Variants in FHIT observed in about 807,000 individuals in gnomAD.
The protein encoded by FHIT is fragile histidine triad diadenosine triphosphatase.
Under a neutral mutation model 17.9 loss-of-function variants are expected in FHIT, and 19 were observed. That is an observed-to-expected ratio of 1.06 (90% confidence interval 0.74 to 1.56). The LOEUF is 1.56. Ranked by LOEUF, FHIT falls within the 40% of genes most tolerant of loss-of-function variation. FHIT has a pLI of 0.00. For synonymous variants in FHIT, 81 were observed against 69.7 expected (o/e 1.16, Z -0.81); for missense variants, 248 against 189.2 (o/e 1.31, Z -1.82).
intron 5 of FHIT, among the ~76,000 whole-genome samples, chr3:60,130,696 A>G (rs1034028758): frequency 6.6e-6 from 1 of 151,806 alleles, no homozygotes; most frequent in Non-Finnish European, 1.5e-5. Context: ...TTGAAAGGGC[A>G]TCAGTAAGCC....
Position 60,226,472 on chromosome 3 carries a change from C to CAA in FHIT, c.104-212322_104-212321dup, listed in dbSNP as rs1189100387. Among the ~76,000 whole-genome samples, 493 of 69,220 alleles carry CAA rather than the reference C, an allele frequency of 7.1e-3. 2 individuals carry two copies. The highest frequency in any genetic ancestry group is 9.6e-3 in the East Asian group (18 of 1,870). The allele number at this position is 69,220 out of a possible 152,430, so 45.4% of individuals were successfully genotyped here. A position where few individuals can be genotyped will look rare whatever the true frequency, so the allele number is the denominator to read the frequency against. On this transcript the variant is annotated intron_variant, in intron 5 of 9. Coordinates refer to ENST00000492590, the MANE Select transcript of FHIT (RefSeq NM_002012.4). ...GGGCAACAAGAGTGAAACTCCGTCT[C>CAA]AAAAAAAAAAAAAAAAAAAAAACAC...
intron 4 of FHIT, among the ~76,000 whole-genome samples, chr3:60,743,265 CAT>C (rs1441729841): frequency 1.3e-5 from 2 of 152,206 alleles, no homozygotes; most frequent in Non-Finnish European, 2.9e-5. Flanking sequence ...AAGCACTTAA[CAT>C]GTGCTCAGTA....
chr3:60,886,899 C>T (rs1257168443), intron 3 of FHIT, among the ~76,000 whole-genome samples: 1 of 152,154 alleles, frequency 6.6e-6, no homozygotes, highest in Non-Finnish European at 1.5e-5. Flanking sequence ...GTACAAATGT[C>T]TTTTCAGAGT....
At chr3:60,401,621 C>T (rs970428155) in intron 5 of FHIT, among the ~76,000 whole-genome samples, 1 of 152,090 alleles carries the variant, frequency 6.6e-6, no homozygotes, top group Admixed American at 6.6e-5. Flanking sequence ...CCCGGTGCTT[C>T]CCCACCCCAT....
intron 5 of FHIT, among the ~76,000 whole-genome samples, chr3:60,391,863 T>C (rs922262884): frequency 6.6e-6 from 1 of 152,184 alleles, no homozygotes; most frequent in African/African-American, 2.4e-5. Context: ...TTATTATATG[T>C]ATTAAAATGT....
At chr3:60,933,828 C>T (rs1553772445) in intron 3 of FHIT, among the ~76,000 whole-genome samples, 1 of 152,116 alleles carries the variant, frequency 6.6e-6, no homozygotes, top group African/African-American at 2.4e-5. Flanking sequence ...CTTTGGATAG[C>T]TACCTATCTT....
At chr3:61,194,484 AAACT>A (rs1487184896) in intron 2 of FHIT, among the ~76,000 whole-genome samples, 5 of 152,300 alleles carry the variant, frequency 3.3e-5, no homozygotes, top group Non-Finnish European at 7.3e-5. Flanking sequence ...AAAAAAAGGA[AAACT>A]AACTGTACAA....
intron 4 of FHIT, among the ~76,000 whole-genome samples, chr3:60,646,292 C>T (rs114433971): frequency 0.1 from 15,702 of 151,918 alleles, 1,007 homozygotes; most frequent in East Asian, 0.15. Flanking sequence ...TATATATATA[C>T]ATTTACGCAC....
At chr3:60,276,303 A>C (rs1488286248) in intron 5 of FHIT, among the ~76,000 whole-genome samples, 1 of 152,136 alleles carries the variant, frequency 6.6e-6, no homozygotes, top group Admixed American at 6.6e-5. Context: ...GTAATTTCTT[A>C]TACTACAATG....
At chr3:61,243,111 C>T (rs776936386) in intron 1 of FHIT, among the ~76,000 whole-genome samples, 9 of 152,146 alleles carry the variant, frequency 5.9e-5, no homozygotes, top group African/African-American at 2.2e-4. Flanking sequence ...CAGGAATGAA[C>T]GAGGACAGCT....
At chr3:59,866,193 G>T (rs10222574) in intron 8 of FHIT, among the ~76,000 whole-genome samples, 2,569 of 152,160 alleles carry the variant, frequency 0.017, 78 homozygotes, top group African/African-American at 0.058. Context: ...CTGGGGTTTG[G>T]TGGGGAATCT....
chr3:60,821,261 G>C (rs2594143), intron 4 of FHIT, among the ~76,000 whole-genome samples: 79,351 of 151,362 alleles, frequency 0.52, 21,603 homozygotes, highest in East Asian at 0.85. Context: ...CAGGCCCTTT[G>C]CTGCTATTTT....
At chr3:60,394,312 A>T (rs374165795) in intron 5 of FHIT, among the ~76,000 whole-genome samples, 1 of 152,202 alleles carries the variant, frequency 6.6e-6, no homozygotes, top group Non-Finnish European at 1.5e-5. Flanking sequence ...CCCACTCTCT[A>T]TGCAATTTCA....
chr3:60,441,793 T>TGG (rs2030886601), intron 5 of FHIT, among the ~76,000 whole-genome samples: 2 of 111,240 alleles, frequency 1.8e-5, no homozygotes, highest in East Asian at 4.5e-4. Flanking sequence ...AATATATATA[T>TGG]ATATATATAT....
rs904706568 is a variant in FHIT at position 60,224,009 on chromosome 3, A to G, written c.104-209857T>C. Among the ~76,000 whole-genome samples, 10 of 152,160 alleles carry G rather than the reference A, an allele frequency of 6.6e-5. 1 individual carries two copies. Among genetic ancestry groups the G allele is most frequent in the Non-Finnish European group, 1.5e-5 (1 of 68,032 alleles). On this transcript the variant is annotated intron_variant, in intron 5 of 9. Coordinates refer to ENST00000492590, the MANE Select transcript of FHIT (RefSeq NM_002012.4). The stretch of plus-strand genomic sequence containing the variant: ...TCTAGTAGCTTTGAAACAAACTTGT[A>G]TGTTTCCTCCTCCCCTCCATATAGT...
chr3:59,851,599 T>A (rs1701938539), intron 8 of FHIT, among the ~76,000 whole-genome samples: 1 of 152,198 alleles, frequency 6.6e-6, no homozygotes. Context: ...AATACTTAGC[T>A]TTGTTCTTAG....
chr3:59,869,146 C>A (rs1702794716), intron 8 of FHIT, among the ~76,000 whole-genome samples: 1 of 152,166 alleles, frequency 6.6e-6, no homozygotes, highest in South Asian at 2.1e-4. Context: ...CACTCCACTG[C>A]CTTTCAAATA....
At chr3:59,814,624 C>T (rs1700529712) in intron 8 of FHIT, among the ~76,000 whole-genome samples, 1 of 152,196 alleles carries the variant, frequency 6.6e-6, no homozygotes, top group Non-Finnish European at 1.5e-5. Flanking sequence ...CTTGTCCCCA[C>T]ATAGGTCCTA....
At chr3:59,907,637 C>T (rs1356285685) in intron 8 of FHIT, among the ~76,000 whole-genome samples, 1 of 152,182 alleles carries the variant, frequency 6.6e-6, no homozygotes, top group African/African-American at 2.4e-5. Context: ...GCAGGGTGTG[C>T]TCTACCCTTG....
Sources: allele counts gnomAD v4.1 joint callset (sites outside exome capture counted in the v4.1 genomes callset), GRCh38; gene constraint gnomAD v4.1.1; transcripts MANE v1.5; gene names NCBI Gene and HGNC (gene_info 2026-07-23, HGNC 2026-07-21).